The following TTC28 variants were observed in gnomAD, a reference collection of about 807,000 sequenced individuals.
TTC28 encodes the protein tetratricopeptide repeat protein 28.
TTC28 carries 61 observed loss-of-function variants against 198.0 expected under a neutral mutation model. The ratio of observed to expected loss-of-function variants is 0.31; its 90% confidence interval spans 0.25 to 0.38. TTC28 has a LOEUF of 0.38. Ranked by LOEUF, TTC28 falls within the 10% of genes least tolerant of loss-of-function variation. TTC28 has a pLI of 1.00. For missense variants in TTC28, 2,678 were observed against 3,164.0 expected (o/e 0.85, Z 3.69); for synonymous variants, 1,171 against 1,297.8 (o/e 0.90, Z 2.10).
chr22:28,589,300 A>T (rs1426218885), intron 2 of TTC28, among the ~76,000 whole-genome samples: 1 of 152,206 alleles, frequency 6.6e-6, no homozygotes, highest in Non-Finnish European at 1.5e-5. Context: ...GCCAAACAGA[A>T]ATGGAGTCAC....
intron 2 of TTC28, among the ~76,000 whole-genome samples, chr22:28,343,814 A>G (rs938032979): frequency 6.6e-6 from 1 of 152,150 alleles, no homozygotes; most frequent in African/African-American, 2.4e-5. Flanking sequence ...GCTTTTACCT[A>G]TTTTTTAAAA....
chr22:28,214,276 C>T (rs1051281532), intron 5 of TTC28, among the ~76,000 whole-genome samples: 1 of 152,120 alleles, frequency 6.6e-6, no homozygotes, highest in African/African-American at 2.4e-5. Flanking sequence ...TCAAAATTGA[C>T]AAATGGGATC....
At chr22:28,553,020 C>T (rs998887597) in intron 2 of TTC28, among the ~76,000 whole-genome samples, 1 of 152,094 alleles carries the variant, frequency 6.6e-6, no homozygotes, top group African/African-American at 2.4e-5. Flanking sequence ...AGCTCCTAAC[C>T]GCGAGTGATC....
intron 5 of TTC28, among the ~76,000 whole-genome samples, chr22:28,257,299 TC>T (rs1412588210): frequency 1.3e-5 from 2 of 152,122 alleles, no homozygotes; most frequent in Admixed American, 6.6e-5. Context: ...ATACCTGTAC[TC>T]CCATGTTTAC....
chr22:28,602,054 G>A (rs1005322352), intron 2 of TTC28, among the ~76,000 whole-genome samples: 3 of 152,184 alleles, frequency 2.0e-5, no homozygotes, highest in African/African-American at 7.2e-5. Context: ...AAGAGAGTCA[G>A]GCAAGCAGTC....
At chr22:28,220,337 C>T (rs1293553561) in intron 5 of TTC28, among the ~76,000 whole-genome samples, 2 of 152,190 alleles carry the variant, frequency 1.3e-5, no homozygotes, top group Non-Finnish European at 2.9e-5. Context: ...TTTATTATCT[C>T]ACAGTTCTGT....
chr22:28,085,515 T>C (rs535898083), intron 12 of TTC28, among the ~76,000 whole-genome samples: 1 of 152,194 alleles, frequency 6.6e-6, no homozygotes, highest in Non-Finnish European at 1.5e-5. Flanking sequence ...AAGGAAGCAC[T>C]AAACATGGAA....
chr22:28,105,876 T>C (rs1229806665), intron 7 of TTC28, 74 bp from the exon 8 acceptor site: 5 of 1,446,888 alleles, frequency 3.5e-6, no homozygotes, highest in Admixed American at 2.7e-5. Flanking sequence ...CCTGAGAAAA[T>C]GAAAAGCATT....
chr22:28,376,095 G>A (rs1386916244), intron 2 of TTC28, among the ~76,000 whole-genome samples: 1 of 152,124 alleles, frequency 6.6e-6, no homozygotes, highest in Non-Finnish European at 1.5e-5. Context: ...ATAATCTCAT[G>A]AGCCAATTCC....
intron 6 of TTC28, among the ~76,000 whole-genome samples, chr22:28,154,189 T>A (rs1248497834): frequency 4.6e-5 from 7 of 152,164 alleles, no homozygotes. Context: ...AGTAACCTAC[T>A]CTGCAGCACA....
At chr22:28,113,690 G>A (rs775892354) in intron 6 of TTC28, among the ~76,000 whole-genome samples, 6 of 152,312 alleles carry the variant, frequency 3.9e-5, no homozygotes, top group African/African-American at 7.2e-5. Flanking sequence ...ATGAAACAAC[G>A]TGGTGTCCAT....
At chr22:28,126,447 A>T (rs765952455) in intron 6 of TTC28, among the ~76,000 whole-genome samples, 10 of 152,248 alleles carry the variant, frequency 6.6e-5, no homozygotes, top group Non-Finnish European at 1.3e-4. Flanking sequence ...ACTTAAATAC[A>T]GAGTGACTCT....
intron 2 of TTC28, among the ~76,000 whole-genome samples, chr22:28,619,977 T>C (rs2050966747): frequency 6.6e-6 from 1 of 152,158 alleles, no homozygotes; most frequent in African/African-American, 2.4e-5. Flanking sequence ...CAGCAGCAGA[T>C]CATCTGCATC....
intron 6 of TTC28, among the ~76,000 whole-genome samples, chr22:28,149,130 A>G (rs1185247935): frequency 1.3e-5 from 2 of 152,226 alleles, no homozygotes; most frequent in Non-Finnish European, 2.9e-5. Flanking sequence ...GGTGTAGCCT[A>G]TTGTTCCTAG....
At chr22:28,586,018 T>A (rs543229794) in intron 2 of TTC28, among the ~76,000 whole-genome samples, 1 of 151,312 alleles carries the variant, frequency 6.6e-6, no homozygotes, top group Non-Finnish European at 1.5e-5. Context: ...CGGTGGCTCA[T>A]GCCTGTAATC....
intron 5 of TTC28, among the ~76,000 whole-genome samples, chr22:28,165,707 C>A (rs1368175208): frequency 6.6e-6 from 1 of 152,124 alleles, no homozygotes; most frequent in Non-Finnish European, 1.5e-5. Flanking sequence ...ACAACTGGTA[C>A]CAGCCACTGC....
intron 1 of TTC28, among the ~76,000 whole-genome samples, chr22:28,675,735 T>TCACACACACACACACACACACACACACA (rs71316854): frequency 7.4e-6 from 1 of 135,118 alleles, no homozygotes. Flanking sequence ...TGAAACCCTG[T>TCACACACACACACACACACACACACACA]CACACACACA....
chr22:28,393,022 GC>G (rs2046758518), intron 2 of TTC28, among the ~76,000 whole-genome samples: 1 of 151,936 alleles, frequency 6.6e-6, no homozygotes, highest in Non-Finnish European at 1.5e-5. Context: ...GACCATAGGT[GC>G]AAACCACTAT....
At chr22:28,521,679 G>A (rs2048912346) in intron 2 of TTC28, among the ~76,000 whole-genome samples, 1 of 152,172 alleles carries the variant, frequency 6.6e-6, no homozygotes, top group Non-Finnish European at 1.5e-5. Flanking sequence ...GACAAAATTA[G>A]AAACTTGAGG....
Sources: gnomAD v4.1 joint callset for allele counts (sites outside exome capture counted in the v4.1 genomes callset) on GRCh38, gnomAD v4.1.1 for gene constraint, MANE v1.5 for transcripts, NCBI Gene and HGNC (gene_info 2026-07-23, HGNC 2026-07-21) for gene names.